The following SYNDIG1 variants were observed in gnomAD, a reference collection of about 807,000 sequenced individuals.
SYNDIG1 encodes the protein synapse differentiation inducing 1.
SYNDIG1 carries 9 observed loss-of-function variants against 19.4 expected under a neutral mutation model. The ratio of observed to expected loss-of-function variants is 0.46; its 90% CI spans 0.28 to 0.81. SYNDIG1 has a LOEUF of 0.81. SYNDIG1 is among the 30% of genes least tolerant of loss of function. The pLI is 0.12. For synonymous variants in SYNDIG1, 141 were observed against 145.9 expected (o/e 0.97, Z 0.24); for missense variants, 311 against 343.3 (o/e 0.91, Z 0.74).
chr20:24,546,051 A>G (rs1040899442), intron 2 of SYNDIG1, among the ~76,000 whole-genome samples: 1 of 152,190 alleles, frequency 6.6e-6, no homozygotes, highest in African/African-American at 2.4e-5. Context: ...GAGACACATT[A>G]TGGCTGCTGC....
At chr20:24,548,893 T>C (rs1338303553) in intron 2 of SYNDIG1, among the ~76,000 whole-genome samples, 2 of 152,186 alleles carry the variant, frequency 1.3e-5, no homozygotes, top group African/African-American at 4.8e-5. Flanking sequence ...CACTACTTTG[T>C]TGAAGAGGTT....
chr20:24,631,023 G>A (rs1039361455), intron 3 of SYNDIG1, among the ~76,000 whole-genome samples: 2 of 152,204 alleles, frequency 1.3e-5, no homozygotes, highest in Non-Finnish European at 2.9e-5. Flanking sequence ...TAACTGAGGC[G>A]GTCATAGACA....
At chr20:24,630,246 A>G (rs1465372595) in intron 3 of SYNDIG1, among the ~76,000 whole-genome samples, 1 of 152,168 alleles carries the variant, frequency 6.6e-6, no homozygotes, top group Admixed American at 6.5e-5. Context: ...GCACACACTC[A>G]CAGGAGTGGT....
At chr20:24,657,031 T>C (rs913479351) in intron 3 of SYNDIG1, among the ~76,000 whole-genome samples, 3 of 152,216 alleles carry the variant, frequency 2.0e-5, no homozygotes, top group Non-Finnish European at 4.4e-5. Context: ...GGCTTGCTCC[T>C]GTTTTTACTT....
intron 2 of SYNDIG1, among the ~76,000 whole-genome samples, chr20:24,547,140 GC>G (rs1277457147): frequency 6.6e-6 from 1 of 152,004 alleles, no homozygotes; most frequent in African/African-American, 2.4e-5. Flanking sequence ...CCCCCTCATT[GC>G]CCTGGTTCAG....
intron 1 of SYNDIG1, among the ~76,000 whole-genome samples, chr20:24,482,098 A>T (rs1048452851): frequency 1.3e-5 from 2 of 152,230 alleles, no homozygotes; most frequent in African/African-American, 4.8e-5. Flanking sequence ...CTAATTAAAA[A>T]CTGAGCTCAT....
intron 3 of SYNDIG1, among the ~76,000 whole-genome samples, chr20:24,618,446 G>T (rs1033299207): frequency 6.6e-6 from 1 of 152,080 alleles, no homozygotes; most frequent in Non-Finnish European, 1.5e-5. Flanking sequence ...AGGCCTCGTG[G>T]GCACCACGGG....
chr20:24,593,161 A>G (rs1207461095), intron 3 of SYNDIG1, among the ~76,000 whole-genome samples: 1 of 152,226 alleles, frequency 6.6e-6, no homozygotes, highest in Non-Finnish European at 1.5e-5. Flanking sequence ...TTCATCACCC[A>G]GGTAATAAGC....
At chr20:24,542,491 AG>A (rs761822974) in intron 1 of SYNDIG1, among the ~76,000 whole-genome samples, 1 of 152,208 alleles carries the variant, frequency 6.6e-6, no homozygotes. Flanking sequence ...AGAGCACCCT[AG>A]GAGACCAAGC....
chr20:24,507,675 C>T (rs1218775262), intron 1 of SYNDIG1, among the ~76,000 whole-genome samples: 2 of 152,204 alleles, frequency 1.3e-5, no homozygotes, highest in East Asian at 3.9e-4. Flanking sequence ...GGAGCCTTCC[C>T]TGCTAGAGAT....
chr20:24,663,797 C>T (rs1054705117), intron 3 of SYNDIG1, among the ~76,000 whole-genome samples: 2 of 152,162 alleles, frequency 1.3e-5, no homozygotes, highest in Non-Finnish European at 2.9e-5. Context: ...CTGGGGATGG[C>T]ACTAAGGCTG....
At chr20:24,526,714 A>G (rs1473668687) in intron 1 of SYNDIG1, among the ~76,000 whole-genome samples, 4 of 152,154 alleles carry the variant, frequency 2.6e-5, no homozygotes, top group Non-Finnish European at 5.9e-5. Context: ...CCTAAAGTGC[A>G]TCCTTTAGAA....
intron 1 of SYNDIG1, among the ~76,000 whole-genome samples, chr20:24,485,585 T>C (rs2055933610): frequency 6.6e-6 from 1 of 152,228 alleles, no homozygotes; most frequent in Non-Finnish European, 1.5e-5. Context: ...GATACAGCTT[T>C]TTATTGCCTT....
At chr20:24,508,324 G>A (rs1028163304) in intron 1 of SYNDIG1, among the ~76,000 whole-genome samples, 3 of 145,048 alleles carry the variant, frequency 2.1e-5, no homozygotes, top group Non-Finnish European at 4.5e-5. Context: ...CACCTCCCGG[G>A]TTCAAGTAAT....
chr20:24,620,176 A>C (rs891462674), intron 3 of SYNDIG1, among the ~76,000 whole-genome samples: 51 of 152,208 alleles, frequency 3.4e-4, no homozygotes, highest in African/African-American at 1.2e-3. Context: ...AAACCTCAAA[A>C]TTGTATTTAC....
intron 1 of SYNDIG1, among the ~76,000 whole-genome samples, chr20:24,500,141 G>T (rs1010670602): frequency 6.6e-6 from 1 of 152,010 alleles, no homozygotes; most frequent in Admixed American, 6.6e-5. Flanking sequence ...GTCGACAAAA[G>T]CACCAGAACT....
intron 1 of SYNDIG1, among the ~76,000 whole-genome samples, chr20:24,472,415 G>T (rs1049549206): frequency 6.6e-6 from 1 of 152,170 alleles, no homozygotes; most frequent in Non-Finnish European, 1.5e-5. Flanking sequence ...TTAGCATTGA[G>T]ATAAATTAAA....
intron 3 of SYNDIG1, among the ~76,000 whole-genome samples, chr20:24,622,219 A>G (rs1412770005): frequency 6.6e-6 from 1 of 152,262 alleles, no homozygotes; most frequent in Non-Finnish European, 1.5e-5. Context: ...AAACAGACAA[A>G]GAAATGAATA....
intron 3 of SYNDIG1, among the ~76,000 whole-genome samples, chr20:24,655,862 G>A (rs956019741): frequency 6.6e-6 from 1 of 152,014 alleles, no homozygotes; most frequent in Non-Finnish European, 1.5e-5. Flanking sequence ...CTTTTCCCCA[G>A]GAGAATGGAC....
Sources: gnomAD v4.1 joint callset for allele counts (sites outside exome capture counted in the v4.1 genomes callset) on GRCh38, gnomAD v4.1.1 for gene constraint, MANE v1.5 for transcripts, NCBI Gene and HGNC (gene_info 2026-07-23, HGNC 2026-07-21) for gene names.